The following ARB2A variants were observed in gnomAD, a reference collection of about 807,000 sequenced individuals.
ARB2A encodes cotranscriptional regulator ARB2A.
At chr5:93,974,623 C>T in the ARB2A span, among the ~76,000 whole-genome samples, 1 of 152,054 alleles carries the variant, frequency 6.6e-6, no homozygotes, top group African/African-American at 2.4e-5. Context: ...ATGGAATACT[C>T]CACCCAACAA....
At chr5:93,717,541 G>A in the ARB2A span, among the ~76,000 whole-genome samples, 12 of 149,794 alleles carry the variant, frequency 8.0e-5, no homozygotes, top group African/African-American at 2.7e-4. Context: ...ATACACATAC[G>A]CAGAGGAATT....
chr5:93,894,410 A>G, the ARB2A span, among the ~76,000 whole-genome samples: 1 of 137,294 alleles, frequency 7.3e-6, no homozygotes, highest in Non-Finnish European at 1.6e-5. Context: ...TTTTAATATT[A>G]AAAAAAAAAG....
the ARB2A span, chr5:93,863,320 T>G: frequency 4.0e-5 from 6 of 151,798 alleles, no homozygotes; most frequent in Non-Finnish European, 7.4e-5. Context: ...CAGGCTGGAG[T>G]GCAGTGAGAT....
At chr5:93,693,965 A>C in the ARB2A span, among the ~76,000 whole-genome samples, 1 of 152,248 alleles carries the variant, frequency 6.6e-6, no homozygotes, top group East Asian at 1.9e-4. Flanking sequence ...CAATAGATGC[A>C]GAAAAGGCCT....
At chr5:94,003,353 G>C in the ARB2A span, among the ~76,000 whole-genome samples, 2 of 152,066 alleles carry the variant, frequency 1.3e-5, no homozygotes, top group Non-Finnish European at 1.5e-5. Flanking sequence ...GTTCTAGCCA[G>C]TAAAATAAGA....
the ARB2A span, among the ~76,000 whole-genome samples, chr5:94,058,278 T>G: frequency 6.6e-6 from 1 of 152,180 alleles, no homozygotes; most frequent in Non-Finnish European, 1.5e-5. Flanking sequence ...CACCAACTTA[T>G]TCTTTAAAGG....
At chr5:93,958,764 A>G in the ARB2A span, 2 of 1,478,134 alleles carry the variant, frequency 1.4e-6, no homozygotes, top group Non-Finnish European at 1.8e-6. Context: ...AAAACCCAGG[A>G]AATTGTACTT....
At chr5:93,770,220 C>T in the ARB2A span, among the ~76,000 whole-genome samples, 8 of 152,118 alleles carry the variant, frequency 5.3e-5, no homozygotes, top group Admixed American at 3.9e-4. Context: ...TGTGCAACCA[C>T]CTGAGTTGAA....
At chr5:93,657,755 T>C in the ARB2A span, among the ~76,000 whole-genome samples, 1 of 152,160 alleles carries the variant, frequency 6.6e-6, no homozygotes, top group Admixed American at 6.5e-5. Context: ...GGCATTAAAA[T>C]GAAATTTCAG....
the ARB2A span, among the ~76,000 whole-genome samples, chr5:94,024,940 G>A: frequency 6.6e-6 from 1 of 152,228 alleles, no homozygotes; most frequent in Non-Finnish European, 1.5e-5. Flanking sequence ...GGCAAGAGAT[G>A]AAGCTGGAGA....
At chr5:93,637,920 C>G in the ARB2A span, among the ~76,000 whole-genome samples, 2 of 152,126 alleles carry the variant, frequency 1.3e-5, no homozygotes, top group Non-Finnish European at 1.5e-5. Context: ...TTTGGAGGGT[C>G]TGGAGGCTAA....
the ARB2A span, among the ~76,000 whole-genome samples, chr5:93,664,637 AT>A: frequency 3.2e-4 from 47 of 145,056 alleles, no homozygotes; most frequent in Admixed American, 8.9e-4. Flanking sequence ...TCTCAAAAAT[AT>A]ATATATATAT....
chr5:94,032,963 T>A, the ARB2A span, among the ~76,000 whole-genome samples: 10 of 152,292 alleles, frequency 6.6e-5, no homozygotes, highest in African/African-American at 2.4e-4. Context: ...GACTGTATCA[T>A]GGGGGTGGTT....
At chr5:93,983,788 C>T in the ARB2A span, among the ~76,000 whole-genome samples, 177 of 152,204 alleles carry the variant, frequency 1.2e-3, 1 homozygote, top group African/African-American at 4.0e-3. Flanking sequence ...AAGATCACTT[C>T]GAAAGTACTT....
chr5:94,038,868 T>C, the ARB2A span, among the ~76,000 whole-genome samples: 4 of 151,888 alleles, frequency 2.6e-5, no homozygotes, highest in Non-Finnish European at 5.9e-5. Context: ...TCAAAATCTG[T>C]TTCCTTAAGT....
chr5:93,921,527 T>C, the ARB2A span, among the ~76,000 whole-genome samples: 1 of 152,006 alleles, frequency 6.6e-6, no homozygotes, highest in Non-Finnish European at 1.5e-5. Context: ...AAGAAAATCA[T>C]TGAGAAGAAA....
chr5:94,057,256 T>A, the ARB2A span, among the ~76,000 whole-genome samples: 1 of 152,164 alleles, frequency 6.6e-6, no homozygotes, highest in Non-Finnish European at 1.5e-5. Context: ...GAAGATATTA[T>A]GCAAAGTGAA....
chr5:93,765,517 T>A, the ARB2A span, among the ~76,000 whole-genome samples: 2 of 152,130 alleles, frequency 1.3e-5, no homozygotes, highest in East Asian at 1.9e-4. Context: ...CAAGGAGAAC[T>A]ACAAACCACT....
At chr5:93,807,187 A>T in the ARB2A span, among the ~76,000 whole-genome samples, 4 of 152,060 alleles carry the variant, frequency 2.6e-5, no homozygotes, top group Middle Eastern at 3.4e-3. Context: ...CTTGATAATT[A>T]GCTGTGTAGG....
Sources: allele counts gnomAD v4.1 joint callset (sites outside exome capture counted in the v4.1 genomes callset), GRCh38; gene constraint gnomAD v4.1.1; transcripts MANE v1.5; gene names NCBI Gene and HGNC (gene_info 2026-07-23, HGNC 2026-07-21).